The following USP12 variants were observed in gnomAD, a reference collection of about 807,000 sequenced individuals.
USP12 encodes ubiquitin specific peptidase 12, also known as ubiquitin carboxyl-terminal hydrolase 12.
USP12 carries 19 observed loss-of-function variants against 45.5 expected under a neutral mutation model. That is an observed-to-expected ratio of 0.42 (90% CI 0.29 to 0.61). The LOEUF is 0.61. Among genes scored for constraint, USP12 ranks in the 20% least tolerant of loss-of-function variants. The probability of loss-of-function intolerance (pLI) is 0.22; values close to 1 mark genes in which losing one functional copy is unlikely to be tolerated. For missense variants in USP12, 242 were observed against 447.7 expected (o/e 0.54, Z 4.15); for synonymous variants, 149 against 148.8 (o/e 1.00, Z -0.01).
At chr13:27,076,559 T>C (rs576475444) in intron 6 of USP12, among the ~76,000 whole-genome samples, 1 of 152,362 alleles carries the variant, frequency 6.6e-6, no homozygotes, top group South Asian at 2.1e-4. Context: ...TCTTTTCTTC[T>C]AGGCCCTGAA....
chr13:27,116,876 G>A (rs550772728), intron 1 of USP12, among the ~76,000 whole-genome samples: 4 of 152,162 alleles, frequency 2.6e-5, no homozygotes, highest in Non-Finnish European at 5.9e-5. Flanking sequence ...CTACCATCTA[G>A]CCTAGGTGTG....
chr13:27,148,638 CACTCCAGCCAGGGTGACAGAG>C (rs1877417901), intron 1 of USP12, among the ~76,000 whole-genome samples: 1 of 145,794 alleles, frequency 6.9e-6, no homozygotes, highest in African/African-American at 2.5e-5. Flanking sequence ...CACACCACTG[CACTCCAGCCAGGGTGACAGAG>C]ACTCAAAAAA....
At chr13:27,084,343 TAAAA>T (rs959347338) in intron 6 of USP12, among the ~76,000 whole-genome samples, 2 of 151,304 alleles carry the variant, frequency 1.3e-5, no homozygotes, top group Non-Finnish European at 2.9e-5. Context: ...CCGTCTCTAC[TAAAA>T]ATACAAAAAT....
chr13:27,100,225 T>C (rs939863325), intron 3 of USP12, among the ~76,000 whole-genome samples: 2 of 152,198 alleles, frequency 1.3e-5, no homozygotes, highest in Non-Finnish European at 2.9e-5. Flanking sequence ...CCTCCGTCCC[T>C]GAAAATAATA....
chr13:27,126,357 G>T (rs566901482), intron 1 of USP12, among the ~76,000 whole-genome samples: 21 of 152,170 alleles, frequency 1.4e-4, no homozygotes, highest in Non-Finnish European at 3.1e-4. Context: ...TGGACCTCCA[G>T]CAAACTCCAA....
intron 1 of USP12, among the ~76,000 whole-genome samples, chr13:27,155,226 C>T (rs954273184): frequency 4.0e-5 from 6 of 151,740 alleles, no homozygotes; most frequent in South Asian, 2.1e-4. Flanking sequence ...GGACTACAGG[C>T]GCGTGCCACC....
intron 1 of USP12, 83 bp from the exon 2 acceptor site, chr13:27,116,679 C>T: frequency 1.6e-6 from 2 of 1,282,112 alleles, no homozygotes; most frequent in Non-Finnish European, 1.1e-6. Context: ...CAGGCCGCAA[C>T]ATGATGGTCC....
Position 27,092,000 on chromosome 13 carries a change from T to C in USP12, c.574-1842A>G, listed in dbSNP as rs184460036. Among the ~76,000 whole-genome samples the C allele has an allele frequency of 2.0e-5, 3 of 152,338 alleles. No homozygotes were observed. The East Asian group carries it at 5.8e-4, about 29-fold the overall frequency. ...TGTGCATACACATACGATAACACACTGTACTGGAACTGCCTGAACACTGCT... is the reference window on the plus strand; with the variant it reads ...TGTGCATACACATACGATAACACACCGTACTGGAACTGCCTGAACACTGCT... On this transcript the variant is annotated intron_variant, in intron 4 of 8. Coordinates refer to ENST00000282344, the MANE Select transcript of USP12 (RefSeq NM_182488.4).
At chr13:27,135,861 T>C (rs1221100574) in intron 1 of USP12, among the ~76,000 whole-genome samples, 1 of 152,140 alleles carries the variant, frequency 6.6e-6, no homozygotes, top group African/African-American at 2.4e-5. Context: ...AAGGAAAACA[T>C]GCTTTTCTTT....
chr13:27,142,376 G>T (rs903783086), intron 1 of USP12, among the ~76,000 whole-genome samples: 2 of 152,148 alleles, frequency 1.3e-5, no homozygotes, highest in Non-Finnish European at 2.9e-5. Context: ...CAAATATAAT[G>T]CATGATCATC....
chr13:27,091,496 T>C (rs1215940689), intron 4 of USP12, among the ~76,000 whole-genome samples: 2 of 152,216 alleles, frequency 1.3e-5, no homozygotes, highest in Non-Finnish European at 2.9e-5. Flanking sequence ...CAAGCGGTCA[T>C]CAAGTAGGAC....
At chr13:27,165,151 A>G (rs909320192) in intron 1 of USP12, among the ~76,000 whole-genome samples, 2 of 152,004 alleles carry the variant, frequency 1.3e-5, no homozygotes, top group Non-Finnish European at 2.9e-5. Flanking sequence ...GCCATTCTCA[A>G]CTTATCTAAA....
At chr13:27,117,531 C>T (rs1373646260) in intron 1 of USP12, among the ~76,000 whole-genome samples, 3 of 151,622 alleles carry the variant, frequency 2.0e-5, no homozygotes, top group Admixed American at 2.0e-4. Context: ...AATAAATAAA[C>T]TAGGTTTACA....
chr13:27,070,816 G>C (rs1873215989), intron 8 of USP12, among the ~76,000 whole-genome samples: 1 of 152,190 alleles, frequency 6.6e-6, no homozygotes, highest in Admixed American at 6.5e-5. Context: ...GCCTCCCCAA[G>C]TGCTGGGATT....
intron 1 of USP12, among the ~76,000 whole-genome samples, chr13:27,156,219 GA>G (rs56139734): frequency 0.91 from 128,443 of 141,906 alleles, 58,197 homozygotes; most frequent in South Asian, 0.96. Flanking sequence ...CTCCTGCAAG[GA>G]AAAAAAAAAA....
At chr13:27,113,590 C>T (rs1290887525) in intron 2 of USP12, among the ~76,000 whole-genome samples, 1 of 152,200 alleles carries the variant, frequency 6.6e-6, no homozygotes, top group Admixed American at 6.5e-5. Context: ...AGTTCCTCAC[C>T]CTATGTTCTT....
intron 6 of USP12, among the ~76,000 whole-genome samples, chr13:27,086,193 A>ATATATATAT (rs1333218859): frequency 1.0e-3 from 70 of 66,888 alleles, no homozygotes; most frequent in Non-Finnish European, 1.5e-3. Context: ...AAAAAAAAAA[A>ATATATATAT]AAAAATATAT....
At chr13:27,151,111 T>C (rs1877548499) in intron 1 of USP12, among the ~76,000 whole-genome samples, 1 of 152,064 alleles carries the variant, frequency 6.6e-6, no homozygotes, top group East Asian at 1.9e-4. Flanking sequence ...GGCAGATCAC[T>C]TGAGGCCAAG....
intron 6 of USP12, among the ~76,000 whole-genome samples, chr13:27,081,787 AAAC>A (rs965646704): frequency 6.6e-5 from 10 of 152,240 alleles, no homozygotes; most frequent in African/African-American, 2.4e-4. Flanking sequence ...GCAGGCATGA[AAAC>A]AACATTAATC....
Sources: allele counts gnomAD v4.1 joint callset (sites outside exome capture counted in the v4.1 genomes callset), GRCh38; gene constraint gnomAD v4.1.1; transcripts MANE v1.5; gene names NCBI Gene and HGNC (gene_info 2026-07-23, HGNC 2026-07-21).